Variants in FAAH2 observed in about 807,000 individuals in gnomAD.
FAAH2 encodes fatty-acid amide hydrolase 2.
A neutral mutation model predicts 36.9 loss-of-function variants in FAAH2; 60 were observed. That is an observed-to-expected ratio of 1.63 (90% CI 1.32 to 2.02). The LOEUF (loss-of-function observed/expected upper bound fraction) is 2.02, where lower values mean the gene tolerates loss of function less well. Among genes scored for constraint, FAAH2 ranks in the 30% most tolerant of loss-of-function variants. The probability of loss-of-function intolerance (pLI) is 0.00; values close to 1 mark genes in which losing one functional copy is unlikely to be tolerated. For missense variants in FAAH2, 689 were observed against 397.5 expected, an observed-to-expected ratio of 1.73 and a Z score of -6.23; for synonymous variants, 214 against 143.8, an observed-to-expected ratio of 1.49 and a Z score of -3.49.
At chrX:57,179,087 C>T in the FAAH2 span, among the ~76,000 whole-genome samples, 1 of 111,495 alleles carries the variant, frequency 9.0e-6, no homozygotes, top group Non-Finnish European at 1.9e-5. Flanking sequence ...AATTCATTAC[C>T]TCCAGACCTA....
At chrX:57,208,231 A>C in the FAAH2 span, among the ~76,000 whole-genome samples, 8 of 112,286 alleles carry the variant, frequency 7.1e-5, no homozygotes, top group Non-Finnish European at 1.3e-4. Context: ...GGGGATGCAG[A>C]AGGGTAGGGA....
chrX:57,224,696 T>C, the FAAH2 span, among the ~76,000 whole-genome samples: 4 of 112,290 alleles, frequency 3.6e-5, no homozygotes, highest in Non-Finnish European at 7.5e-5. Flanking sequence ...ACACTTCCTG[T>C]TTACAGGAGA....
At chrX:57,193,115 A>G in the FAAH2 span, among the ~76,000 whole-genome samples, 1 of 112,124 alleles carries the variant, frequency 8.9e-6, no homozygotes, top group East Asian at 2.8e-4. Flanking sequence ...TTCTTTCAAA[A>G]GCAAATGGGA....
At chrX:57,408,853 A>G (rs1309442869) in intron 7 of FAAH2, among the ~76,000 whole-genome samples, 1 of 111,517 alleles carries the variant, frequency 9.0e-6, no homozygotes, top group Non-Finnish European at 1.9e-5. Context: ...CATTCTGGTA[A>G]TGTGGTGTGT....
At chrX:57,233,785 G>A in the FAAH2 span, among the ~76,000 whole-genome samples, 5 of 112,695 alleles carry the variant, frequency 4.4e-5, no homozygotes, top group African/African-American at 9.7e-5. Flanking sequence ...GATTACAGGC[G>A]TGCGCCACCA....
the FAAH2 span, among the ~76,000 whole-genome samples, chrX:57,166,391 G>A: frequency 8.9e-6 from 1 of 111,835 alleles, no homozygotes; most frequent in Non-Finnish European, 1.9e-5. Context: ...CAGAAAAACT[G>A]AAAGAGTCCA....
chrX:57,459,801 A>G (rs950579771), intron 10 of FAAH2, among the ~76,000 whole-genome samples: 1 of 111,950 alleles, frequency 8.9e-6, no homozygotes. Flanking sequence ...AACAACATCA[A>G]CATCAGCATA....
intron 7 of FAAH2, among the ~76,000 whole-genome samples, chrX:57,431,509 G>T (rs1486488088): frequency 1.8e-5 from 2 of 111,353 alleles, no homozygotes; most frequent in Non-Finnish European, 3.8e-5. Context: ...CAGTCCCTCA[G>T]ACTGTCCCCA....
chrX:57,289,226 G>A (rs955228403), intron 1 of FAAH2, among the ~76,000 whole-genome samples: 2 of 111,663 alleles, frequency 1.8e-5, no homozygotes, highest in African/African-American at 6.5e-5. Flanking sequence ...CTCAATTTTT[G>A]TTGGCACTTT....
the FAAH2 span, among the ~76,000 whole-genome samples, chrX:57,253,824 A>G: frequency 8.9e-6 from 1 of 111,955 alleles, no homozygotes; most frequent in African/African-American, 3.2e-5. Flanking sequence ...AAAACATGCC[A>G]AATTGTAAAG....
chrX:57,455,875 C>T (rs969395638), intron 10 of FAAH2, among the ~76,000 whole-genome samples: 1 of 111,898 alleles, frequency 8.9e-6, no homozygotes, highest in African/African-American at 3.2e-5. Context: ...ACATCCCACT[C>T]ACTGAGTTAG....
chrX:57,328,111 C>T (rs1333728787), intron 3 of FAAH2, among the ~76,000 whole-genome samples: 1 of 112,137 alleles, frequency 8.9e-6, no homozygotes, highest in African/African-American at 3.2e-5. Flanking sequence ...CCCCTGCAGA[C>T]CCTGTTTGCC....
In FAAH2 at chrX:57,394,676, A is replaced by G. The variant is rs950235621; in HGVS notation, c.996+13647A>G. On this transcript the variant is annotated intron_variant, in intron 7 of 10. Transcript: ENST00000374900. Reference sequence around the variant, plus strand: ...CCACATCACCCACAACTTTTCTCCCATTTGTTTTTTTTATCATCTGGGACA... The same window carrying G: ...CCACATCACCCACAACTTTTCTCCCGTTTGTTTTTTTTATCATCTGGGACA... 5 of 935,418 alleles carry G rather than the reference A, an allele frequency of 5.3e-6. No individual in the cohort carries two copies. The African/African-American group carries it at 7.8e-5, about 15-fold the overall frequency. 77.1% of individuals were successfully genotyped at this position (935,418 alleles called of 1,213,427 possible).
chrX:57,172,010 CT>C, the FAAH2 span, among the ~76,000 whole-genome samples: 2 of 111,816 alleles, frequency 1.8e-5, no homozygotes, highest in Non-Finnish European at 3.8e-5. Context: ...AATAGTGTGT[CT>C]TTTCCCCAGT....
the FAAH2 span, among the ~76,000 whole-genome samples, chrX:57,167,969 C>T: frequency 4.5e-5 from 5 of 111,007 alleles, no homozygotes; most frequent in East Asian, 1.4e-3. Context: ...TTTAGAAGGT[C>T]ATTTTATTTG....
intron 10 of FAAH2, among the ~76,000 whole-genome samples, chrX:57,486,951 G>A (rs2057484857): frequency 9.0e-6 from 1 of 111,583 alleles, no homozygotes; most frequent in South Asian, 3.7e-4. Flanking sequence ...CTCCTATTCC[G>A]TTATCTTGCT....
At chrX:57,344,993 T>C (rs2053782379) in intron 5 of FAAH2, among the ~76,000 whole-genome samples, 2 of 111,244 alleles carry the variant, frequency 1.8e-5, no homozygotes, top group South Asian at 7.5e-4. Context: ...TTTGCTAGTA[T>C]TTTGTTGAAA....
intron 10 of FAAH2, among the ~76,000 whole-genome samples, chrX:57,486,937 ACTC>A (rs1244685148): frequency 2.7e-5 from 3 of 110,923 alleles, no homozygotes; most frequent in Non-Finnish European, 3.8e-5. Flanking sequence ...GAACTGCAGA[ACTC>A]CTCCTATTCC....
chrX:57,173,064 G>T, the FAAH2 span, among the ~76,000 whole-genome samples: 1 of 111,510 alleles, frequency 9.0e-6, no homozygotes, highest in African/African-American at 3.3e-5. Context: ...CCCCACTTCC[G>T]TATCACTTAA....
Sources: allele counts gnomAD v4.1 joint callset (sites outside exome capture counted in the v4.1 genomes callset), GRCh38; gene constraint gnomAD v4.1.1; transcripts MANE v1.5; gene names NCBI Gene and HGNC (gene_info 2026-07-23, HGNC 2026-07-21).